Variants in HDAC9 observed in about 807,000 individuals in gnomAD.
The protein encoded by HDAC9 is histone deacetylase 9, also known as MEF-2 interacting transcription repressor (MITR) protein.
A neutral mutation model predicts 139.4 loss-of-function variants in HDAC9; 41 were observed. The ratio of observed to expected loss-of-function variants is 0.29; its 90% CI spans 0.23 to 0.38. The LOEUF (loss-of-function observed/expected upper bound fraction) is 0.38, where lower values mean the gene tolerates loss of function less well. HDAC9 is among the 10% of genes least tolerant of loss of function. The pLI is 1.00. For synonymous variants in HDAC9, 517 were observed against 476.2 expected (o/e 1.09, Z -1.12); for missense variants, 1,147 against 1,297.0 (o/e 0.88, Z 1.78).
At chr7:18,705,953 C>A (rs189051940) in intron 12 of HDAC9, among the ~76,000 whole-genome samples, 1 of 151,770 alleles carries the variant, frequency 6.6e-6, no homozygotes, top group Non-Finnish European at 1.5e-5. Flanking sequence ...TATTCAGGAC[C>A]TAAATTAATC....
At position 18,428,265 on chromosome 7, in the gene HDAC9, T is replaced by G. The variant is rs546499463; in HGVS notation, c.-41-67997T>G. 3.9e-5 allele frequency among the ~76,000 whole-genome samples: 6 copies of G among 152,298 alleles called. No homozygotes were observed. The South Asian group carries it at 1.0e-3, about 26-fold the overall frequency. On this transcript the variant is annotated intron_variant, in intron 1 of 3. Transcript: ENST00000413509. Reference sequence around the variant, plus strand: ...TCATAGCAGTTGCACCATTTTGTATTTCCACTAACAGTGTGCAACAAACTG... The same window carrying G: ...TCATAGCAGTTGCACCATTTTGTATGTCCACTAACAGTGTGCAACAAACTG...
chr7:18,342,216 C>T (rs997416776), intron 1 of HDAC9, among the ~76,000 whole-genome samples: 1 of 151,792 alleles, frequency 6.6e-6, no homozygotes, highest in Non-Finnish European at 1.5e-5. Context: ...TCTGATTCTT[C>T]CTCCTGTGAA....
intron 1 of HDAC9, among the ~76,000 whole-genome samples, chr7:18,423,600 G>T (rs903673977): frequency 6.6e-6 from 1 of 152,198 alleles, no homozygotes; most frequent in Non-Finnish European, 1.5e-5. Context: ...CAGAATGGTG[G>T]TCTCTGCTCT....
intron 12 of HDAC9, among the ~76,000 whole-genome samples, chr7:18,718,140 C>G (rs1784848211): frequency 6.6e-6 from 1 of 152,150 alleles, no homozygotes; most frequent in Non-Finnish European, 1.5e-5. Flanking sequence ...CCTCCTACAA[C>G]CCTAGGCAAC....
At chr7:18,535,129 C>T (rs1245082064) in intron 2 of HDAC9, among the ~76,000 whole-genome samples, 1 of 152,162 alleles carries the variant, frequency 6.6e-6, no homozygotes, top group Non-Finnish European at 1.5e-5. Flanking sequence ...TTTCCATCTT[C>T]AGCAATTCAC....
At chr7:18,733,084 C>CATATATACATGTGT (rs1470402897) in intron 13 of HDAC9, among the ~76,000 whole-genome samples, 12 of 142,978 alleles carry the variant, frequency 8.4e-5, no homozygotes, top group Non-Finnish European at 1.4e-4. Context: ...CATGTATACA[C>CATATATACATGTGT]ATATATACAT....
chr7:18,241,176 C>T (rs1794164151), intron 2 of HDAC9, among the ~76,000 whole-genome samples: 1 of 152,158 alleles, frequency 6.6e-6, no homozygotes, highest in Admixed American at 6.5e-5. Flanking sequence ...AGTTACACTG[C>T]TGTTTATCAA....
intron 2 of HDAC9, among the ~76,000 whole-genome samples, chr7:18,251,369 G>C (rs377680926): frequency 2.0e-5 from 3 of 152,080 alleles, no homozygotes; most frequent in Middle Eastern, 3.2e-3. Flanking sequence ...GAAGAGTGGT[G>C]GGGGGAGGGA....
intron 22 of HDAC9, among the ~76,000 whole-genome samples, chr7:18,915,905 G>C (rs1344797323): frequency 1.3e-5 from 2 of 151,128 alleles, no homozygotes; most frequent in Admixed American, 1.3e-4. Context: ...TTAGAGTGCA[G>C]AGTTCCCGTA....
intron 3 of HDAC9, among the ~76,000 whole-genome samples, chr7:18,588,325 C>G (rs1395331732): frequency 6.6e-6 from 1 of 151,990 alleles, no homozygotes. Context: ...TGTTGGGTAT[C>G]CCTTATCTGA....
chr7:18,967,945 C>T (rs926134443), intron 24 of HDAC9, among the ~76,000 whole-genome samples: 5 of 151,852 alleles, frequency 3.3e-5, no homozygotes, highest in African/African-American at 1.2e-4. Flanking sequence ...GGCGGATCAC[C>T]TGGGGTTGGG....
intron 14 of HDAC9, among the ~76,000 whole-genome samples, chr7:18,749,655 C>T (rs1295105265): frequency 6.6e-6 from 1 of 152,004 alleles, no homozygotes. Flanking sequence ...TTTCTTTAAA[C>T]TCATTTCAGT....
intron 1 of HDAC9, among the ~76,000 whole-genome samples, chr7:18,413,013 A>T (rs1177705498): frequency 6.6e-6 from 1 of 152,214 alleles, no homozygotes; most frequent in Non-Finnish European, 1.5e-5. Context: ...TAGATTAACT[A>T]ATTAAAAATG....
chr7:18,565,006 T>A (rs893937159), intron 2 of HDAC9, among the ~76,000 whole-genome samples: 4 of 125,480 alleles, frequency 3.2e-5, no homozygotes, highest in African/African-American at 5.6e-5. Flanking sequence ...TTTATTTATT[T>A]ATTATTTTGA....
intron 22 of HDAC9, among the ~76,000 whole-genome samples, chr7:18,900,432 A>C (rs1801594750): frequency 6.6e-6 from 1 of 152,106 alleles, no homozygotes; most frequent in Admixed American, 6.6e-5. Flanking sequence ...ACAAATGCCA[A>C]CCTCAGAGAC....
rs1786504473 is a variant in HDAC9 at position 18,997,022 on chromosome 7, T to C, written c.*960T>C. 3.9e-5 allele frequency: 6 copies of C among 152,206 alleles called. 1 individual carries two copies. The highest frequency in any genetic ancestry group is 3.9e-4 in the Admixed American group (6 of 15,276). 9.4% of individuals were successfully genotyped at this position (152,206 alleles called of 1,614,324 possible). ...TGCCCTCTATCAATTGATTTCTTCTTACCTTTCATCATTCATTCCTTCCTT... is the reference window on the plus strand; with the variant it reads ...TGCCCTCTATCAATTGATTTCTTCTCACCTTTCATCATTCATTCCTTCCTT... On this transcript the variant is annotated 3_prime_UTR_variant, in exon 26 of 26. Coordinates refer to ENST00000686413, the MANE Select transcript of HDAC9 (RefSeq NM_178425.4).
chr7:18,117,347 G>C (rs961729781), intron 1 of HDAC9, among the ~76,000 whole-genome samples: 1 of 151,882 alleles, frequency 6.6e-6, no homozygotes, highest in Non-Finnish European at 1.5e-5. Context: ...TTAGCCAGGC[G>C]TGGTGGTGGG....
intron 2 of HDAC9, among the ~76,000 whole-genome samples, chr7:18,176,406 G>A (rs1788905195): frequency 6.6e-6 from 1 of 152,134 alleles, no homozygotes; most frequent in South Asian, 2.1e-4. Context: ...TGTTTGGTTT[G>A]TCACTGGAAT....
chr7:18,252,524 C>T (rs1794980760), intron 2 of HDAC9, among the ~76,000 whole-genome samples: 1 of 151,992 alleles, frequency 6.6e-6, no homozygotes, highest in African/African-American at 2.4e-5. Flanking sequence ...TCAGAAATAT[C>T]AAAATTAGGA....
Sources: allele counts gnomAD v4.1 joint callset (sites outside exome capture counted in the v4.1 genomes callset), GRCh38; gene constraint gnomAD v4.1.1; transcripts MANE v1.5; gene names NCBI Gene and HGNC (gene_info 2026-07-23, HGNC 2026-07-21).